Variants in ERBB4 observed in about 807,000 individuals in gnomAD.
ERBB4 encodes the protein receptor tyrosine-protein kinase erbB-4.
A neutral mutation model predicts 158.0 loss-of-function variants in ERBB4; 42 were observed. The ratio of observed to expected loss-of-function variants is 0.27; its 90% CI spans 0.21 to 0.34. The LOEUF is 0.34. Ranked by LOEUF, ERBB4 falls within the 10% of genes least tolerant of loss-of-function variation. The pLI is 1.00. For synonymous variants in ERBB4, 583 were observed against 558.7 expected (o/e 1.04, Z -0.61); for missense variants, 1,333 against 1,624.1 (o/e 0.82, Z 3.08).
intron 1 of ERBB4, among the ~76,000 whole-genome samples, chr2:212,351,515 AT>A (rs2089250500): frequency 6.6e-6 from 1 of 152,184 alleles, no homozygotes; most frequent in South Asian, 2.1e-4. Context: ...ATTTGATTTG[AT>A]TTATAATATA....
intron 1 of ERBB4, among the ~76,000 whole-genome samples, chr2:212,320,616 G>A (rs1052830328): frequency 6.7e-6 from 1 of 149,716 alleles, no homozygotes; most frequent in Non-Finnish European, 1.5e-5. Context: ...TGAAGCTAGG[G>A]GAAAGGCTTG....
At chr2:212,108,963 G>A (rs1400317321) in intron 2 of ERBB4, among the ~76,000 whole-genome samples, 2 of 152,096 alleles carry the variant, frequency 1.3e-5, no homozygotes, top group Non-Finnish European at 2.9e-5. Flanking sequence ...CGCACAGTAG[G>A]AGGGATGTGA....
intron 25 of ERBB4, among the ~76,000 whole-genome samples, chr2:211,399,135 TAATTA>T (rs1256302074): frequency 2.6e-5 from 4 of 152,248 alleles, no homozygotes; most frequent in African/African-American, 9.6e-5. Flanking sequence ...TCATTATATT[TAATTA>T]TTGATTCAAA....
chr2:212,392,101 C>T (rs1326440328), intron 1 of ERBB4, among the ~76,000 whole-genome samples: 2 of 151,468 alleles, frequency 1.3e-5, no homozygotes, highest in Non-Finnish European at 3.0e-5. Context: ...AAAAAGAAGG[C>T]TTTTAAGAGG....
At chr2:212,447,348 G>C (rs373428906) in intron 1 of ERBB4, among the ~76,000 whole-genome samples, 49 of 152,062 alleles carry the variant, frequency 3.2e-4, no homozygotes, top group African/African-American at 1.2e-3. Flanking sequence ...AACATTTCCA[G>C]TCAACTTCTC....
chr2:211,870,520 T>C (rs1230277023), intron 3 of ERBB4, among the ~76,000 whole-genome samples: 2 of 152,260 alleles, frequency 1.3e-5, no homozygotes, highest in African/African-American at 4.8e-5. Flanking sequence ...TTATAAGATA[T>C]CATGCTAAGT....
At chr2:211,702,882 G>A (rs557804634) in intron 11 of ERBB4, among the ~76,000 whole-genome samples, 16 of 152,008 alleles carry the variant, frequency 1.1e-4, no homozygotes, top group African/African-American at 3.6e-4. Flanking sequence ...TTGAAAAATC[G>A]AGGAAACTAC....
At chr2:211,469,430 T>C (rs975172947) in intron 20 of ERBB4, among the ~76,000 whole-genome samples, 5 of 152,168 alleles carry the variant, frequency 3.3e-5, no homozygotes, top group Admixed American at 3.3e-4. Context: ...CAAATCTTCA[T>C]GTGTACATGA....
intron 12 of ERBB4, among the ~76,000 whole-genome samples, chr2:211,689,579 A>C (rs1172663781): frequency 6.6e-6 from 1 of 152,194 alleles, no homozygotes. Context: ...ATTTATAAAG[A>C]TGTAAAGAGT....
intron 2 of ERBB4, among the ~76,000 whole-genome samples, chr2:212,059,450 T>A (rs1359861375): frequency 6.6e-6 from 1 of 152,136 alleles, no homozygotes; most frequent in Non-Finnish European, 1.5e-5. Context: ...TGCTTTAAAG[T>A]TCATATGGAA....
intron 3 of ERBB4, among the ~76,000 whole-genome samples, chr2:211,885,587 C>G (rs553375857): frequency 1.3e-5 from 2 of 152,092 alleles, no homozygotes; most frequent in African/African-American, 4.8e-5. Flanking sequence ...TGCTGAGTAA[C>G]TGGGATTAGA....
At chr2:212,083,721 T>G (rs979260418) in intron 2 of ERBB4, among the ~76,000 whole-genome samples, 2 of 151,944 alleles carry the variant, frequency 1.3e-5, no homozygotes, top group African/African-American at 4.8e-5. Context: ...TAAAGCATTC[T>G]GGAAACTGCT....
intron 2 of ERBB4, among the ~76,000 whole-genome samples, chr2:211,980,271 A>C (rs565970743): frequency 1.3e-5 from 2 of 152,330 alleles, no homozygotes; most frequent in African/African-American, 4.8e-5. Flanking sequence ...TCAAACTAAG[A>C]ATTAACATTC....
intron 1 of ERBB4, among the ~76,000 whole-genome samples, chr2:212,127,834 A>G (rs2079990073): frequency 6.6e-6 from 1 of 152,108 alleles, no homozygotes; most frequent in Admixed American, 6.5e-5. Flanking sequence ...AATGCCAAAG[A>G]TTGATGGCCA....
At chr2:211,643,962 G>A (rs1034196205) in intron 16 of ERBB4, among the ~76,000 whole-genome samples, 5 of 151,988 alleles carry the variant, frequency 3.3e-5, no homozygotes, top group Admixed American at 2.6e-4. Context: ...AATATGTACT[G>A]AAAGATCAAT....
At chr2:212,320,761 G>A (rs1208469670) in intron 1 of ERBB4, among the ~76,000 whole-genome samples, 2 of 149,896 alleles carry the variant, frequency 1.3e-5, no homozygotes, top group East Asian at 3.9e-4. Flanking sequence ...TTTTGTTTTA[G>A]TAACAGGAGG....
chr2:211,443,702 G>A (rs1003637919), intron 20 of ERBB4, among the ~76,000 whole-genome samples: 2 of 151,978 alleles, frequency 1.3e-5, no homozygotes, highest in East Asian at 1.9e-4. Context: ...CATTATCAGC[G>A]CTGCCACTAA....
chr2:212,301,451 C>T (rs1259536480), intron 1 of ERBB4, among the ~76,000 whole-genome samples: 1 of 151,346 alleles, frequency 6.6e-6, no homozygotes, highest in Non-Finnish European at 1.5e-5. Context: ...CACTGTAATA[C>T]ATCTCACAAA....
At chr2:212,317,871 G>A (rs1040524864) in intron 1 of ERBB4, among the ~76,000 whole-genome samples, 1 of 151,380 alleles carries the variant, frequency 6.6e-6, no homozygotes, top group African/African-American at 2.4e-5. Context: ...TATGGAAAAA[G>A]AAGTTTAACA....
Sources: gnomAD v4.1 joint callset for allele counts (sites outside exome capture counted in the v4.1 genomes callset) on GRCh38, gnomAD v4.1.1 for gene constraint, MANE v1.5 for transcripts, NCBI Gene and HGNC (gene_info 2026-07-23, HGNC 2026-07-21) for gene names.